The following ULK4 variants were observed in gnomAD, a reference collection of about 807,000 sequenced individuals.
ULK4 encodes the protein inactive serine/threonine-protein kinase ULK4.
A neutral mutation model predicts 160.6 loss-of-function variants in ULK4; 133 were observed. The ratio of observed to expected loss-of-function variants is 0.83; its 90% CI spans 0.72 to 0.96. The LOEUF (loss-of-function observed/expected upper bound fraction) is 0.96. ULK4 is among the 40% of genes least tolerant of loss of function. The pLI, the probability that ULK4 is intolerant of heterozygous loss-of-function variation, is 0.00. For synonymous variants in ULK4, 534 were observed against 539.8 expected, an observed-to-expected ratio of 0.99 and a Z score of 0.15; for missense variants, 1,580 against 1,499.5, an observed-to-expected ratio of 1.05 and a Z score of -0.89.
intron 35 of ULK4, among the ~76,000 whole-genome samples, chr3:41,305,775 G>A (rs1559514836): frequency 1.4e-5 from 2 of 143,052 alleles, no homozygotes; most frequent in African/African-American, 2.9e-5. Context: ...AGGAAGTGAG[G>A]AGCACCTCTT....
chr3:41,956,397 T>C (rs1318333859), intron 1 of ULK4, among the ~76,000 whole-genome samples: 3 of 152,176 alleles, frequency 2.0e-5, no homozygotes, highest in African/African-American at 4.8e-5. Flanking sequence ...CTGTGGAGTG[T>C]ACTTTCGTTT....
At chr3:41,721,350 ATATATATATATAT>A (rs1269312723) in intron 22 of ULK4, among the ~76,000 whole-genome samples, 21 of 55,338 alleles carry the variant, frequency 3.8e-4, no homozygotes, top group African/African-American at 2.0e-3. Context: ...ATATATATAT[ATATATATATATAT>A]TTTTTTTTTT....
intron 14 of ULK4, 57 bp downstream of exon 14, chr3:41,898,375 A>G (rs557596735): frequency 2.8e-6 from 3 of 1,055,342 alleles, no homozygotes; most frequent in African/African-American, 3.2e-5. Context: ...AATAAATTTC[A>G]TATTTGTATC....
At chr3:41,440,854 T>C (rs2083149975) in intron 34 of ULK4, among the ~76,000 whole-genome samples, 1 of 152,120 alleles carries the variant, frequency 6.6e-6, no homozygotes, top group Non-Finnish European at 1.5e-5. Context: ...TGTTTTTTTC[T>C]TGAGTGAGTT....
intron 21 of ULK4, among the ~76,000 whole-genome samples, chr3:41,756,070 G>T (rs1230902914): frequency 6.6e-6 from 1 of 152,158 alleles, no homozygotes; most frequent in Non-Finnish European, 1.5e-5. Flanking sequence ...GTGGACAAAG[G>T]ATCTATTGCA....
At chr3:41,645,325 C>A (rs192954018) in intron 30 of ULK4, among the ~76,000 whole-genome samples, 3,026 of 151,832 alleles carry the variant, frequency 0.02, 51 homozygotes, top group Non-Finnish European at 0.03. Context: ...CTCTTGTGGG[C>A]ATTTATTACT....
In ULK4 at chr3:41,512,310, C is replaced by A. The variant is rs9852298; in HGVS notation, c.3227-49057G>T. ...GACAAGAGAAAGAAATAAAGGACAT[C>A]CACATTGGCAAAGATAAAGTCAAAC... On this transcript the variant is annotated intron_variant, in intron 32 of 36. Transcript: ENST00000301831. Among the ~76,000 whole-genome samples, 1,101 of 152,222 alleles carry A rather than the reference C, an allele frequency of 7.2e-3. 12 individuals carry two copies. Among genetic ancestry groups the A allele is most frequent in the African/African-American group, 0.024 (1,013 of 41,544 alleles).
chr3:41,402,821 C>T (rs558900645), intron 34 of ULK4, among the ~76,000 whole-genome samples: 8 of 152,106 alleles, frequency 5.3e-5, no homozygotes, highest in Admixed American at 5.2e-4. Context: ...AGGACTTTGT[C>T]TTAGTTTAGT....
At chr3:41,755,302 C>T (rs2125899442) in intron 21 of ULK4, among the ~76,000 whole-genome samples, 1 of 152,136 alleles carries the variant, frequency 6.6e-6, no homozygotes, top group East Asian at 1.9e-4. Flanking sequence ...TTTGGCCACA[C>T]TCCAGTCCTT....
intron 31 of ULK4, among the ~76,000 whole-genome samples, chr3:41,578,621 T>G (rs1330737044): frequency 6.6e-6 from 1 of 152,222 alleles, no homozygotes; most frequent in African/African-American, 2.4e-5. Flanking sequence ...AAGTGAGCAG[T>G]ATTAATGTAG....
intron 32 of ULK4, among the ~76,000 whole-genome samples, chr3:41,552,179 C>T (rs1314176103): frequency 6.6e-6 from 1 of 151,958 alleles, no homozygotes; most frequent in African/African-American, 2.4e-5. Flanking sequence ...AAACTGAAAG[C>T]CTTTCCTCTA....
chr3:41,537,076 ATG>A (rs1220436527), intron 32 of ULK4, among the ~76,000 whole-genome samples: 1 of 152,186 alleles, frequency 6.6e-6, no homozygotes, highest in African/African-American at 2.4e-5. Flanking sequence ...TCATCTGCCA[ATG>A]GTTCAGAAGC....
chr3:41,841,477 G>A (rs1441472859), intron 17 of ULK4, among the ~76,000 whole-genome samples: 20 of 143,782 alleles, frequency 1.4e-4, no homozygotes, highest in Admixed American at 2.1e-4. Context: ...GGAGGTGAGG[G>A]GCGTCTCTGC....
chr3:41,620,282 C>A (rs941761595), intron 30 of ULK4, among the ~76,000 whole-genome samples: 11 of 152,144 alleles, frequency 7.2e-5, no homozygotes, highest in African/African-American at 2.7e-4. Context: ...CATCCTGATA[C>A]CAAAACCTGG....
intron 32 of ULK4, among the ~76,000 whole-genome samples, chr3:41,552,774 C>T (rs969938599): frequency 6.6e-6 from 1 of 151,496 alleles, no homozygotes; most frequent in Non-Finnish European, 1.5e-5. Flanking sequence ...CCAAAAAGAG[C>T]CCAAATAGCC....
chr3:41,506,785 T>TATATATATATATATAC (rs2085405111), intron 32 of ULK4, among the ~76,000 whole-genome samples: 1 of 32,284 alleles, frequency 3.1e-5, no homozygotes, highest in African/African-American at 6.5e-5. Context: ...TATATATATA[T>TATATATATATATATAC]ATATATATAT....
Position 41,405,853 on chromosome 3 carries a change from G to A in ULK4, c.3493-7589C>T, listed in dbSNP as rs563220330. The stretch of plus-strand genomic sequence containing the variant: ...TGTTTTTTGTTTTGCTTTTTCAATT[G>A]TTTAAGTTCTTTACAGATTCTGGAT... On this transcript the variant is annotated intron_variant, in intron 34 of 36. Transcript: ENST00000301831. 5.3e-5 allele frequency among the ~76,000 whole-genome samples: 8 copies of A among 151,122 alleles called. No homozygotes were observed. In the South Asian group the frequency reaches 1.3e-3, roughly 24 times the overall value.
intron 35 of ULK4, among the ~76,000 whole-genome samples, chr3:41,299,221 A>G (rs1252991708): frequency 6.6e-6 from 1 of 152,194 alleles, no homozygotes; most frequent in Non-Finnish European, 1.5e-5. Flanking sequence ...CTGGTGAACG[A>G]GAGGCCACGT....
At chr3:41,543,571 G>A (rs2086763440) in intron 32 of ULK4, among the ~76,000 whole-genome samples, 1 of 151,898 alleles carries the variant, frequency 6.6e-6, no homozygotes, top group Admixed American at 6.6e-5. Flanking sequence ...ATCCTTTGTG[G>A]GATGTTTTTA....
Sources: gnomAD v4.1 joint callset for allele counts (sites outside exome capture counted in the v4.1 genomes callset) on GRCh38, gnomAD v4.1.1 for gene constraint, MANE v1.5 for transcripts, NCBI Gene and HGNC (gene_info 2026-07-23, HGNC 2026-07-21) for gene names.